Variants in SRP54 observed in about 807,000 individuals in gnomAD.
SRP54 encodes signal recognition particle 54, also known as signal recognition particle subunit SRP54.
SRP54 carries 10 observed loss-of-function variants against 64.8 expected under a neutral mutation model. That is an observed-to-expected ratio of 0.15 (90% CI 0.10 to 0.26). SRP54 has a LOEUF of 0.26. Among genes scored for constraint, SRP54 ranks in the 10% least tolerant of loss-of-function variants. The pLI, the probability that SRP54 is intolerant of heterozygous loss-of-function variation, is 1.00. For synonymous variants in SRP54, 193 were observed against 185.6 expected, an observed-to-expected ratio of 1.04 and a Z score of -0.32; for missense variants, 325 against 613.7, an observed-to-expected ratio of 0.53 and a Z score of 4.97.
intron 1 of SRP54, among the ~76,000 whole-genome samples, chr14:34,993,691 TAA>T (rs1409152744): frequency 2.0e-5 from 3 of 151,966 alleles, no homozygotes; most frequent in Non-Finnish European, 2.9e-5. Flanking sequence ...TAAAATTAAT[TAA>T]TTAATTTATT....
In SRP54 at chr14:35,018,985, G is replaced by T; in HGVS notation, c.1067G>T (p.Gly356Val). The T allele has an allele frequency of 1.2e-6, 2 of 1,613,688 alleles. No individual in the cohort carries two copies. The highest frequency in any genetic ancestry group is 2.2e-5 in the South Asian group (2 of 91,052). The stretch of plus-strand genomic sequence containing the variant: ...TTGTAGGGGATGATCCCTGGTTTTG[G>T]GACAGATTTTATGAGCAAAGGAAAT... ...SQILGMIPGF[G>V]TDFMSKGNEQ... is the part of the protein sequence containing the mutation. Residue 356 changes from glycine (G) to valine (V), a missense_variant, in exon 13 of 16, where the codon GGG becomes GTG. Gly to Val is a moderately radical substitution (Grantham distance 109, BLOSUM62 -3). Around this residue, in one of 3 missense-constraint regions of SRP54, gnomAD observed 146 missense variants for 337.4 expected, o/e 0.43. Transcript: ENST00000216774.
intron 10 of SRP54, among the ~76,000 whole-genome samples, chr14:35,014,290 T>TTTTTTTTGTTTTTTTGTTTTTTTG (rs376712278): frequency 2.4e-5 from 3 of 127,284 alleles, no homozygotes; most frequent in African/African-American, 8.8e-5. Flanking sequence ...TTTTTTTTTT[T>TTTTTTTTGTTTTTTTGTTTTTTTG]TTTTGAGACG....
chr14:34,985,517 C>A (rs2138954207), intron 1 of SRP54, among the ~76,000 whole-genome samples: 2 of 152,252 alleles, frequency 1.3e-5, no homozygotes, highest in South Asian at 4.1e-4. Flanking sequence ...TTCTCTAGTT[C>A]AAGGCCACAT....
chr14:35,022,080 A>G (rs1178646176), intron 13 of SRP54, among the ~76,000 whole-genome samples: 1 of 152,024 alleles, frequency 6.6e-6, no homozygotes. Context: ...GATAGAACGT[A>G]CCTCTTTCTG....
chr14:35,022,808 A>C lies in SRP54; in HGVS notation c.1157-102A>C, dbSNP rs1199860835. On this transcript the variant is annotated intron_variant, in intron 13 of 15. Coordinates refer to ENST00000216774, the MANE Select transcript of SRP54 (RefSeq NM_003136.4). ...AAAATGAGATAGTTATCACTTTAAA[A>C]ACATCTGCTAAGCTCTTTGAAGTTA... 8.9e-6 allele frequency: 8 copies of C among 900,292 alleles called. No homozygotes were observed. The East Asian group carries it at 2.4e-4, about 27-fold the overall frequency. 55.8% of individuals were successfully genotyped at this position (900,292 alleles called of 1,614,324 possible). A position where few individuals can be genotyped will look rare whatever the true frequency, so the allele number is the denominator to read the frequency against.
chr14:35,029,007 A>T, intron 15 of SRP54, 54 bp from the exon 16 acceptor site: 1 of 1,393,642 alleles, frequency 7.2e-7, no homozygotes, highest in South Asian at 1.2e-5. Flanking sequence ...AAATGTTTCC[A>T]GTTCTGCTTA....
In SRP54 at chr14:35,013,573, C is replaced by A; in HGVS notation, c.785+79C>A. 5 of 1,448,904 alleles carry A rather than the reference C, an allele frequency of 3.5e-6. No homozygotes were observed. In the South Asian group the frequency reaches 3.8e-5, roughly 11 times the overall value. The allele number at this position is 1,448,904 out of a possible 1,614,324, so 89.8% of individuals were successfully genotyped here. A position where few individuals can be genotyped will look rare whatever the true frequency, so the allele number is the denominator to read the frequency against. On this transcript the variant is annotated intron_variant, in intron 9 of 15. Coordinates refer to ENST00000216774, the MANE Select transcript of SRP54 (RefSeq NM_003136.4). ...ATGTGTTTATAGCTTTCATATTGATCATTTAAAATATGTTTCAATAGTGAG... is the reference window on the plus strand; with the variant it reads ...ATGTGTTTATAGCTTTCATATTGATAATTTAAAATATGTTTCAATAGTGAG...
intron 14 of SRP54, among the ~76,000 whole-genome samples, chr14:35,023,432 A>G (rs540799335): frequency 6.6e-6 from 1 of 152,184 alleles, no homozygotes; most frequent in African/African-American, 2.4e-5. Flanking sequence ...AGTTGCTATA[A>G]CTAAGTTTTC....
At chr14:35,006,406 A>G (rs1001197764) in intron 4 of SRP54, among the ~76,000 whole-genome samples, 1 of 152,216 alleles carries the variant, frequency 6.6e-6, no homozygotes, top group Non-Finnish European at 1.5e-5. Context: ...GTGGTTATTG[A>G]GCATTTGTAA....
chr14:35,002,937 G>A (rs2044200795), intron 4 of SRP54, among the ~76,000 whole-genome samples: 2 of 151,674 alleles, frequency 1.3e-5, no homozygotes, highest in African/African-American at 4.8e-5. Flanking sequence ...GTAGAGACAA[G>A]GTTTTGCCAT....
At chr14:35,018,647 A>C in intron 11 of SRP54, 45 bp from the exon 12 acceptor site, 1 of 1,473,262 alleles carries the variant, frequency 6.8e-7, no homozygotes, top group Non-Finnish European at 9.4e-7. Context: ...TTGAATGGAA[A>C]TGTACATACT....
intron 11 of SRP54, among the ~76,000 whole-genome samples, chr14:35,016,796 A>G (rs1387905704): frequency 1.3e-5 from 2 of 151,414 alleles, no homozygotes; most frequent in Non-Finnish European, 2.9e-5. Context: ...CTATTGAATG[A>G]ATGAATTTAT....
At chr14:35,007,175 A>G (rs1215488015) in intron 4 of SRP54, 108 bp from the exon 5 acceptor site, 3 of 561,390 alleles carry the variant, frequency 5.3e-6, no homozygotes, top group Non-Finnish European at 9.1e-6. Context: ...CCTGGGTGAC[A>G]AGAGTGTGAC....
intron 9 of SRP54, 51 bp downstream of exon 9, chr14:35,013,545 G>A (rs1254900185): frequency 3.2e-6 from 5 of 1,561,948 alleles, no homozygotes; most frequent in Admixed American, 1.8e-5. Flanking sequence ...TATGGGGAAG[G>A]ATATGTGTTT....
intron 4 of SRP54, among the ~76,000 whole-genome samples, chr14:35,005,122 A>G (rs1468704402): frequency 6.6e-6 from 1 of 152,198 alleles, no homozygotes; most frequent in Non-Finnish European, 1.5e-5. Flanking sequence ...ACTTGAGGCC[A>G]AGAGTTCAAA....
intron 1 of SRP54, among the ~76,000 whole-genome samples, chr14:34,987,119 T>C (rs1386934901): frequency 6.7e-6 from 1 of 149,356 alleles, no homozygotes; most frequent in Non-Finnish European, 1.5e-5. Context: ...TAGTCCCAGC[T>C]ACACGGGAGG....
chr14:35,028,443 C>T (rs899425207), intron 15 of SRP54, among the ~76,000 whole-genome samples: 2 of 152,024 alleles, frequency 1.3e-5, no homozygotes, highest in Non-Finnish European at 2.9e-5. Flanking sequence ...GACTTTTTCC[C>T]TTATTTTAGA....
At chr14:34,993,834 T>TA (rs2044022096) in intron 1 of SRP54, among the ~76,000 whole-genome samples, 1 of 151,916 alleles carries the variant, frequency 6.6e-6, no homozygotes, top group African/African-American at 2.4e-5. Context: ...TAGCTGGCAT[T>TA]ACAGGCATGT....
intron 14 of SRP54, among the ~76,000 whole-genome samples, chr14:35,023,948 C>T (rs1309462590): frequency 6.6e-6 from 1 of 152,022 alleles, no homozygotes; most frequent in East Asian, 1.9e-4. Flanking sequence ...TTCCATGAGA[C>T]CAGGGATTTT....
Sources: allele counts gnomAD v4.1 joint callset (sites outside exome capture counted in the v4.1 genomes callset), GRCh38; gene constraint gnomAD v4.1.1; regional missense constraint gnomAD v4.1.1; transcripts MANE v1.5; gene names NCBI Gene and HGNC (gene_info 2026-07-23, HGNC 2026-07-21).